PKHD1: variants seen among roughly 807,000 people sequenced by gnomAD.
The protein encoded by PKHD1 is PKHD1 ciliary IPT domain containing fibrocystin/polyductin, also known as fibrocystin.
In PKHD1, 291 loss-of-function variants were observed where a neutral mutation model predicts 412.0. That is an observed-to-expected ratio of 0.71 (90% confidence interval 0.64 to 0.78). The LOEUF (loss-of-function observed/expected upper bound fraction) is 0.78, where lower values mean the gene tolerates loss of function less well. Among genes scored for constraint, PKHD1 ranks in the 30% least tolerant of loss-of-function variants. The pLI is 0.00. For missense variants in PKHD1, 4,825 were observed against 4,950.7 expected (o/e 0.97, Z 0.76); for synonymous variants, 1,777 against 1,821.5 (o/e 0.98, Z 0.62).
rs958272857 is a variant in PKHD1 at position 52,043,485 on chromosome 6, C to T, written c.2821+140G>A. 9.8e-6 allele frequency: 7 copies of T among 714,626 alleles called. No homozygotes were observed. In the Admixed American group the frequency reaches 1.2e-4, roughly 12 times the overall value. The allele number at this position is 714,626 out of a possible 1,614,324, so 44.3% of individuals were successfully genotyped here. A position where few individuals can be genotyped will look rare whatever the true frequency, so the allele number is the denominator to read the frequency against. On this transcript the variant is annotated intron_variant, in intron 26 of 66. Transcript: ENST00000371117. ...TATCCCTTAGATGGACCAAAAAATA[C>T]ACTTTCTGCTACGTCACTCAACCTC...
chr6:52,057,612 T>C (rs1807960448), intron 16 of PKHD1, among the ~76,000 whole-genome samples: 1 of 152,212 alleles, frequency 6.6e-6, no homozygotes, highest in African/African-American at 2.4e-5. Flanking sequence ...AGATGGGGTT[T>C]CATCATGTTG....
chr6:51,997,798 G>A lies in PKHD1; in HGVS notation c.5751+12511C>T, dbSNP rs562968125. On this transcript the variant is annotated intron_variant, in intron 35 of 66. Coordinates refer to ENST00000371117, the MANE Select transcript of PKHD1 (RefSeq NM_138694.4). ...CATGGGAGGAGAGTGGGAGTCCAGA[G>A]GATGAAAAGAGGCTGAATGATATCA... Among the ~76,000 whole-genome samples, 8 of 152,290 alleles carry A rather than the reference G, an allele frequency of 5.3e-5. No homozygotes were observed. The South Asian group carries it at 1.0e-3, about 20-fold the overall frequency.
rs561853422 is a variant in PKHD1, at chr6:51,838,908, A to T, written c.8108-2439T>A. Among the ~76,000 whole-genome samples the T allele has an allele frequency of 7.2e-5, 11 of 152,348 alleles. No homozygotes were observed. The East Asian group carries it at 9.6e-4, about 13-fold the overall frequency. Reference sequence around the variant, plus strand: ...TTAGAAAGAAAAGATAGAATAGTCCATGGAACATGCTTAGCACAGTGCCTG... The same window carrying T: ...TTAGAAAGAAAAGATAGAATAGTCCTTGGAACATGCTTAGCACAGTGCCTG... On this transcript the variant is annotated intron_variant, in intron 50 of 66. Transcript: ENST00000371117.
At chr6:51,640,992 G>A (rs1463277010) in intron 63 of PKHD1, among the ~76,000 whole-genome samples, 2 of 152,154 alleles carry the variant, frequency 1.3e-5, no homozygotes, top group East Asian at 3.9e-4. Context: ...TTTTGTTGTT[G>A]TTATTTTGTT....
chr6:51,976,282 T>C (rs1794429770), intron 35 of PKHD1, among the ~76,000 whole-genome samples: 1 of 152,206 alleles, frequency 6.6e-6, no homozygotes, highest in African/African-American at 2.4e-5. Context: ...ATGTGATATA[T>C]ACATTCAATG....
At chr6:51,866,129 G>A (rs1268499238) in intron 48 of PKHD1, among the ~76,000 whole-genome samples, 1 of 152,116 alleles carries the variant, frequency 6.6e-6, no homozygotes. Flanking sequence ...TCTCCTAGAG[G>A]TGAGCACATC....
chr6:51,988,021 C>T (rs1309249708), intron 35 of PKHD1, among the ~76,000 whole-genome samples: 1 of 152,182 alleles, frequency 6.6e-6, no homozygotes, highest in East Asian at 1.9e-4. Flanking sequence ...CAGTGCCTGA[C>T]ATATAACAGG....
chr6:51,985,497 G>A (rs1220647589), intron 35 of PKHD1, among the ~76,000 whole-genome samples: 3 of 152,220 alleles, frequency 2.0e-5, no homozygotes, highest in South Asian at 2.1e-4. Flanking sequence ...AGAAGGCTGA[G>A]GCGGGCGGAT....
intron 53 of PKHD1, among the ~76,000 whole-genome samples, chr6:51,790,443 T>A (rs1793563039): frequency 6.6e-6 from 1 of 152,152 alleles, no homozygotes; most frequent in African/African-American, 2.4e-5. Flanking sequence ...CATGATCCAC[T>A]TCCCAGCAAG....
chr6:51,781,710 G>A (rs913380734), intron 53 of PKHD1, among the ~76,000 whole-genome samples: 1 of 151,830 alleles, frequency 6.6e-6, no homozygotes, highest in Non-Finnish European at 1.5e-5. Flanking sequence ...ATTAATAATA[G>A]TAGTTAAAAA....
rs760700112 is a variant in PKHD1, at chr6:52,046,063, C to G, written c.2533G>C (p.Glu845Gln). 2 of 1,613,572 alleles carry G rather than the reference C, an allele frequency of 1.2e-6. No individual in the cohort carries two copies. The highest frequency in any genetic ancestry group is 2.2e-5 in the South Asian group (2 of 91,054). The change falls in exon 24 of 67, where the codon GAA becomes CAA. Residue 845 changes from glutamate (E) to glutamine (Q), a missense_variant. Glu to Gln is a conservative substitution (Grantham distance 29). Transcript: ENST00000371117. ...GACCAGGACAAGGTCCACACGTGTTCGTAGCAAGTGTATAGATCCTCCTTC... is the reference window on the plus strand; with the variant it reads ...GACCAGGACAAGGTCCACACGTGTTGGTAGCAAGTGTATAGATCCTCCTTC... ...TVKEDLYTCY[E>Q]HVWTLSWSTQ...
At chr6:51,854,322 C>T (rs537203441) in intron 49 of PKHD1, among the ~76,000 whole-genome samples, 18 of 152,162 alleles carry the variant, frequency 1.2e-4, no homozygotes, top group African/African-American at 4.3e-4. Context: ...GACCTCTGAC[C>T]TCGAGGGGCA....
intron 46 of PKHD1, among the ~76,000 whole-genome samples, chr6:51,874,520 A>G (rs888494993): frequency 6.6e-6 from 1 of 152,236 alleles, no homozygotes; most frequent in African/African-American, 2.4e-5. Flanking sequence ...TTCTGATGAT[A>G]AAAAGTTCTT....
chr6:51,693,874 A>C (rs1778464877), intron 60 of PKHD1, among the ~76,000 whole-genome samples: 1 of 152,228 alleles, frequency 6.6e-6, no homozygotes, highest in African/African-American at 2.4e-5. Flanking sequence ...CCCATTTTAC[A>C]GATGAGGGAA....
chr6:51,661,288 T>A (rs1390742595), intron 60 of PKHD1, among the ~76,000 whole-genome samples: 1 of 152,002 alleles, frequency 6.6e-6, no homozygotes, highest in Non-Finnish European at 1.5e-5. Context: ...TAGATACAGA[T>A]TTAGATAGAT....
intron 33 of PKHD1, among the ~76,000 whole-genome samples, chr6:52,020,555 G>T (rs1801244629): frequency 6.6e-6 from 1 of 152,186 alleles, no homozygotes; most frequent in African/African-American, 2.4e-5. Context: ...CAAGCTCCCG[G>T]GTGAGGCCCT....
chr6:51,860,739 T>C (rs1369067182), intron 48 of PKHD1, among the ~76,000 whole-genome samples: 2 of 152,206 alleles, frequency 1.3e-5, no homozygotes, highest in Admixed American at 1.3e-4. Context: ...AAAAGGGCTA[T>C]AAGCCTTACA....
chr6:51,765,794 A>G (rs1250015880), intron 55 of PKHD1, among the ~76,000 whole-genome samples: 3 of 152,104 alleles, frequency 2.0e-5, no homozygotes, highest in Non-Finnish European at 2.9e-5. Context: ...AATCTCTTCT[A>G]TATGTCTAGT....
At chr6:51,744,271 C>T (rs1245195957) in intron 60 of PKHD1, 114 bp downstream of exon 60, 12 of 908,660 alleles carry the variant, frequency 1.3e-5, no homozygotes, top group Non-Finnish European at 2.2e-5. Flanking sequence ...CAGACTCCAA[C>T]TCTAGAATTT....
Sources: allele counts gnomAD v4.1 joint callset (sites outside exome capture counted in the v4.1 genomes callset), GRCh38; gene constraint gnomAD v4.1.1; transcripts MANE v1.5; gene names NCBI Gene and HGNC (gene_info 2026-07-23, HGNC 2026-07-21).